MLH3: variants seen among roughly 807,000 people sequenced by gnomAD.
The protein encoded by MLH3 is DNA mismatch repair protein Mlh3.
MLH3 carries 82 observed loss-of-function variants against 122.2 expected under a neutral mutation model. That is an observed-to-expected ratio of 0.67 (90% CI 0.56 to 0.81). The LOEUF (loss-of-function observed/expected upper bound fraction) is 0.81. Ranked by LOEUF, MLH3 falls within the 30% of genes least tolerant of loss-of-function variation. The pLI, the probability that MLH3 is intolerant of heterozygous loss-of-function variation, is 0.00. For synonymous variants in MLH3, 524 were observed against 599.5 expected (o/e 0.87, Z 1.84); for missense variants, 1,539 against 1,714.5 (o/e 0.90, Z 1.81).
chr14:75,036,083 C>T (rs1891382630), intron 6 of MLH3, among the ~76,000 whole-genome samples: 1 of 152,218 alleles, frequency 6.6e-6, no homozygotes, highest in Admixed American at 6.5e-5. Context: ...GGTTTTCCAA[C>T]ATAACATTCT....
At chr14:75,035,961 T>G (rs998333120) in intron 6 of MLH3, among the ~76,000 whole-genome samples, 3 of 152,214 alleles carry the variant, frequency 2.0e-5, no homozygotes, top group African/African-American at 7.2e-5. Flanking sequence ...CATCTCGTCC[T>G]GTCTATTCTC....
In MLH3 at chr14:75,014,586, A is replaced by G. The variant is rs1366342558; in HGVS notation, c.*2496T>C. The G allele has an allele frequency of 9.9e-6, 2 of 202,832 alleles. No homozygotes were observed. Among genetic ancestry groups the G allele is most frequent in the African/African-American group, 4.6e-5 (2 of 43,656 alleles). The allele number at this position is 202,832 out of a possible 1,614,324, so 12.6% of individuals were successfully genotyped here. ...TATCATTAGTTTCCTTGTCTTTCTCAGTGACTAAAGCTAAGCCTCTTGAAG... is the reference window on the plus strand; with the variant it reads ...TATCATTAGTTTCCTTGTCTTTCTCGGTGACTAAAGCTAAGCCTCTTGAAG... On this transcript the variant is annotated 3_prime_UTR_variant, in exon 13 of 13. Transcript: ENST00000355774.
chr14:75,027,711 A>T (rs1468301016), intron 9 of MLH3, among the ~76,000 whole-genome samples: 1 of 151,434 alleles, frequency 6.6e-6, no homozygotes, highest in East Asian at 1.9e-4. Context: ...AGAACACAGA[A>T]TAAGTAGGAT....
chr14:75,049,140 C>G lies in MLH3; in HGVS notation c.516G>C (p.Arg172Ser). The G allele has an allele frequency of 6.2e-7, 1 of 1,614,138 alleles. No homozygotes were observed. Among genetic ancestry groups the G allele is most frequent in the Non-Finnish European group, 8.5e-7 (1 of 1,180,028 alleles). Reference sequence around the variant, plus strand: ...TGAGTGAGAGAGCTTCTATTCTCTGCCTAACCTTCTCAAACTCCAGTCTAG... The same window carrying G: ...TGAGTGAGAGAGCTTCTATTCTCTGGCTAACCTTCTCAAACTCCAGTCTAG... ...MDPRLEFEKV[R>S]QRIEALSLMH... Residue 172 changes from arginine to serine, a missense_variant, in exon 2 of 13, where the codon AGG becomes AGC. Physicochemically the swap from Arg to Ser is moderately radical, Grantham distance 110. Coordinates refer to ENST00000355774, the MANE Select transcript of MLH3 (RefSeq NM_001040108.2).
chr14:75,038,195 A>T, intron 6 of MLH3, 145 bp downstream of exon 6: 1 of 690,940 alleles, frequency 1.4e-6, no homozygotes, highest in Non-Finnish European at 2.6e-6. Flanking sequence ...CACCGCACCC[A>T]GCCTTCATAA....
chr14:75,024,316 C>T, intron 9 of MLH3, among the ~76,000 whole-genome samples: 1 of 150,734 alleles, frequency 6.6e-6, no homozygotes, highest in Non-Finnish European at 1.5e-5. Context: ...ATTCTCCTGC[C>T]TCAGCCTCCT....
chr14:75,036,939 C>T (rs563027214), intron 6 of MLH3, among the ~76,000 whole-genome samples: 2 of 152,132 alleles, frequency 1.3e-5, no homozygotes, highest in Non-Finnish European at 2.9e-5. Flanking sequence ...AACTGGGACT[C>T]CACCCCTACT....
In MLH3 at chr14:75,048,965, T is replaced by G. The variant is rs28756981; in HGVS notation, c.691A>C (p.Lys231Gln). 0.017 allele frequency: 27,120 copies of G among 1,613,400 alleles called. 289 individuals are homozygous for G. The highest frequency in any genetic ancestry group is 0.02 in the Non-Finnish European group (23,749 of 1,179,756). The change falls in exon 2 of 13, where the codon AAA becomes CAA. Residue 231 changes from lysine (K) to glutamine (Q), a missense_variant. Lys to Gln is a moderately conservative substitution (Grantham distance 53). Transcript: ENST00000355774. ...QKLREISFKY[K>Q]EFELSGYISS... ...ATATAGCCACTAAGCTCAAACTCTT[T>G]ATATTTAAAACTTATTTCTCTTAGC...
At chr14:75,040,822 C>T (rs12879542) in intron 4 of MLH3, among the ~76,000 whole-genome samples, 67,521 of 151,912 alleles carry the variant, frequency 0.44, 16,382 homozygotes, top group East Asian at 0.84. Context: ...AGCTACAAGT[C>T]AGGGTTTCTG....
At position 75,047,847 on chromosome 14, in the gene MLH3, T is replaced by C. The variant is rs530048086; in HGVS notation, c.1809A>G (p.Leu603=). Residue 603 remains leucine (L), a synonymous_variant, in exon 2 of 13, where the codon TTA becomes TTG. Transcript: ENST00000355774. The stretch of plus-strand genomic sequence containing the variant: ...CATGAGTTATAAAGCCAGTGGAACA[T>C]AATTTAACTCGCCCATAACTAAAAA... ...RNVFSYGRVK[L]CSTGFITHVV... is the part of the protein sequence containing the mutation. 2.4e-5 allele frequency: 39 copies of C among 1,613,100 alleles called. 1 individual carries two copies. The Admixed American group carries it at 5.7e-4, about 24-fold the overall frequency.
intron 8 of MLH3, among the ~76,000 whole-genome samples, chr14:75,031,028 C>T (rs574409775): frequency 2.9e-4 from 44 of 152,252 alleles, no homozygotes; most frequent in African/African-American, 9.4e-4. Context: ...AAGAAAAGGT[C>T]TGAGAGTGAT....
At chr14:75,029,767 T>C (rs956311531) in intron 9 of MLH3, among the ~76,000 whole-genome samples, 2 of 152,244 alleles carry the variant, frequency 1.3e-5, no homozygotes, top group East Asian at 3.9e-4. Flanking sequence ...ACTCCCGACC[T>C]CAGGTGAACC....
rs1889876580 is a variant in MLH3, at chr14:75,016,185, C to G, written c.*897G>C. On this transcript the variant is annotated 3_prime_UTR_variant, in exon 13 of 13. Transcript: ENST00000355774. ...ATAGATAGGCATAATGTAATAACACCAAGATACCGTTTGAAAGGGACCCAA... is the reference window on the plus strand; with the variant it reads ...ATAGATAGGCATAATGTAATAACACGAAGATACCGTTTGAAAGGGACCCAA... 3 of 219,836 alleles carry G rather than the reference C, an allele frequency of 1.4e-5. No homozygotes were observed. Among genetic ancestry groups the G allele is most frequent in the African/African-American group, 2.2e-5 (1 of 44,568 alleles). The allele number at this position is 219,836 out of a possible 1,614,324, so 13.6% of individuals were successfully genotyped here. A position where few individuals can be genotyped will look rare whatever the true frequency, so the allele number is the denominator to read the frequency against.
chr14:75,023,516 T>G (rs2139332429), intron 9 of MLH3, among the ~76,000 whole-genome samples: 2 of 152,332 alleles, frequency 1.3e-5, no homozygotes, highest in South Asian at 2.1e-4. Flanking sequence ...ACGGGCTTTT[T>G]GGGGACAATT....
chr14:75,016,673 C>T lies in MLH3; in HGVS notation c.*409G>A, dbSNP rs1289688030. 3.3e-6 allele frequency: 1 copy of T among 306,276 alleles called. No homozygotes were observed. The highest frequency in any genetic ancestry group is 4.8e-5 in the Admixed American group (1 of 20,738). 19.0% of individuals were successfully genotyped at this position (306,276 alleles called of 1,614,324 possible). On this transcript the variant is annotated 3_prime_UTR_variant, in exon 13 of 13. Coordinates refer to ENST00000355774, the MANE Select transcript of MLH3 (RefSeq NM_001040108.2). ...GGGGGCAGCCTGGGAAGGCAGACTA[C>T]CCCTTGGACTTGAGCATCAGCTGAA...
At position 75,017,196 on chromosome 14, in the gene MLH3, T is replaced by C. The variant is rs1889941628; in HGVS notation, c.4248A>G (p.Lys1416=). Residue 1416 remains lysine (K), a synonymous_variant, in exon 13 of 13, where the codon AAA becomes AAG. Transcript: ENST00000355774. ...IDHLEQEKQI[K]PNLTKLRKMA... ...TTTTGCGAAGTTTAGTGAGGTTGGG[T>C]TTAATCTATGGGAAGAAAGAATAAC... The C allele has an allele frequency of 6.2e-7, 1 of 1,611,270 alleles. No homozygotes were observed. The highest frequency in any genetic ancestry group is 8.5e-7 in the Non-Finnish European group (1 of 1,179,774).
chr14:75,017,423 C>T (rs1889963285), intron 12 of MLH3, among the ~76,000 whole-genome samples: 1 of 152,028 alleles, frequency 6.6e-6, no homozygotes, highest in Non-Finnish European at 1.5e-5. Flanking sequence ...TGCCTATAAT[C>T]CCAGCTACTC....
chr14:75,017,090 G>T lies in MLH3; in HGVS notation c.4354C>A (p.Pro1452Thr), dbSNP rs1362124907. The change falls in exon 13 of 13, where the codon CCA becomes ACA. Residue 1452 changes from proline (P) to threonine (T), a missense_variant. Physicochemically the swap from Pro to Thr is conservative, Grantham distance 38. Transcript: ENST00000355774. ...GACCAGTGATTCTGTTCTCATGGTG[G>T]CTCACAGGGAGGCATGGATTGCTGC... ...SLQQSMPPCE[P>T]P 2 of 1,613,476 alleles carry T rather than the reference G, an allele frequency of 1.2e-6. No homozygotes were observed. The highest frequency in any genetic ancestry group is 1.1e-5 in the South Asian group (1 of 91,080).
In MLH3 at chr14:75,048,190, T is replaced by C; in HGVS notation, c.1466A>G (p.Lys489Arg). ...TAAAGAGCTATGTTCCAGGAAAGAT[T>C]TTTTATGTTTCTCATTTTCTCCAGC... ...SEAGENEKHK[K>R]SFLEHSSLEN... The change falls in exon 2 of 13, where the codon AAA (lysine) becomes AGA (arginine). Residue 489 changes from lysine (K) to arginine (R), a missense_variant. By Grantham distance (26) the Lys-to-Arg change is conservative. Transcript: ENST00000355774. 1 of 1,613,742 alleles carries C rather than the reference T, an allele frequency of 6.2e-7. No homozygotes were observed.
Sources: gnomAD v4.1 joint callset for allele counts (sites outside exome capture counted in the v4.1 genomes callset) on GRCh38, gnomAD v4.1.1 for gene constraint, MANE v1.5 for transcripts, NCBI Gene and HGNC (gene_info 2026-07-23, HGNC 2026-07-21) for gene names.